FBXO42: variants seen among roughly 807,000 people sequenced by gnomAD.
FBXO42 encodes F-box only protein 42.
In FBXO42, 12 loss-of-function variants were observed where a neutral mutation model predicts 71.7. The observed-to-expected ratio is 0.17, with a 90% CI of 0.11 to 0.27. The LOEUF is 0.27. FBXO42 is among the 10% of genes least tolerant of loss of function. The pLI is 1.00. For missense variants in FBXO42, 707 were observed against 911.9 expected (o/e 0.78, Z 2.89); for synonymous variants, 325 against 327.5 (o/e 0.99, Z 0.08).
chr1:16,263,479 C>T (rs560581761), intron 4 of FBXO42, among the ~76,000 whole-genome samples: 16 of 151,210 alleles, frequency 1.1e-4, no homozygotes, highest in Middle Eastern at 3.5e-3. Flanking sequence ...TAAAAGCACA[C>T]GGCCGGCCAG....
chr1:16,303,509 T>G (rs1253124843), intron 3 of FBXO42, among the ~76,000 whole-genome samples: 1 of 151,764 alleles, frequency 6.6e-6, no homozygotes, highest in African/African-American at 2.4e-5. Context: ...GTTTTAGAGG[T>G]GGTTATTAAT....
In FBXO42 at chr1:16,332,621, AC is replaced by A. The variant is rs2082511078; in HGVS notation, c.-17-17187del. ...AGTGGCACAACCTCAGCTCACTGCA[AC>A]CCCCGTCTCCAGAGTTCAAGTGATT... On this transcript the variant is annotated intron_variant, in intron 1 of 9. Transcript: ENST00000375592. Among the ~76,000 whole-genome samples the A allele has an allele frequency of 3.3e-5, 5 of 151,516 alleles. No individual in the cohort carries two copies. The South Asian group carries it at 1.0e-3, about 32-fold the overall frequency.
At chr1:16,297,866 C>CA (rs34942089) in intron 3 of FBXO42, among the ~76,000 whole-genome samples, 24,643 of 74,328 alleles carry the variant, frequency 0.33, 4,097 homozygotes, top group Non-Finnish European at 0.42. Context: ...GACTCCATCT[C>CA]AAAAAAAAAA....
intron 3 of FBXO42, among the ~76,000 whole-genome samples, chr1:16,297,739 C>T (rs1029769538): frequency 2.6e-5 from 4 of 151,948 alleles, no homozygotes; most frequent in Non-Finnish European, 2.9e-5. Flanking sequence ...TGGTGGCAGG[C>T]GCCTGTAGTT....
At chr1:16,324,707 C>CA (rs1229570792) in intron 1 of FBXO42, among the ~76,000 whole-genome samples, 1 of 152,180 alleles carries the variant, frequency 6.6e-6, no homozygotes, top group Non-Finnish European at 1.5e-5. Flanking sequence ...GTCCCAGCTA[C>CA]AGGGGGTCTG....
At chr1:16,258,101 G>A (rs972793741) in intron 4 of FBXO42, among the ~76,000 whole-genome samples, 8 of 151,912 alleles carry the variant, frequency 5.3e-5, no homozygotes, top group East Asian at 1.9e-4. Flanking sequence ...GACAGCAGTC[G>A]AGATGCTCCA....
Position 16,248,149 on chromosome 1 carries a change from T to C in FBXO42, c.*2521A>G, listed in dbSNP as rs1197963492. On this transcript the variant is annotated 3_prime_UTR_variant, in exon 10 of 10. Coordinates refer to ENST00000375592, the MANE Select transcript of FBXO42 (RefSeq NM_018994.3). The stretch of plus-strand genomic sequence containing the variant: ...GGCCTGACTGCAGCATCCACGGCAT[T>C]GTGGAAATGCTCGCCTTGGCCGAGA... The C allele has an allele frequency of 2.6e-5, 4 of 152,100 alleles. No homozygotes were observed. The highest frequency in any genetic ancestry group is 7.2e-5 in the African/African-American group (3 of 41,414). 9.4% of individuals were successfully genotyped at this position (152,100 alleles called of 1,614,324 possible).
At chr1:16,301,379 A>G (rs1464172837) in intron 3 of FBXO42, among the ~76,000 whole-genome samples, 2 of 152,092 alleles carry the variant, frequency 1.3e-5, no homozygotes, top group Non-Finnish European at 2.9e-5. Flanking sequence ...ACAGTACAAG[A>G]AGGCTGGGTG....
intron 6 of FBXO42, 83 bp downstream of exon 6, chr1:16,255,628 C>T (rs1221896635): frequency 7.7e-6 from 9 of 1,174,842 alleles, no homozygotes; most frequent in South Asian, 3.0e-5. Context: ...AATTAGGCAC[C>T]TGGTCCCTAA....
intron 3 of FBXO42, among the ~76,000 whole-genome samples, chr1:16,297,164 G>A (rs532729785): frequency 8.6e-5 from 13 of 151,976 alleles, no homozygotes; most frequent in African/African-American, 2.4e-4. Context: ...AGCTGGTCTC[G>A]AACTCCTGAC....
intron 1 of FBXO42, among the ~76,000 whole-genome samples, chr1:16,338,896 C>T (rs543548524): frequency 5.2e-4 from 77 of 148,724 alleles, no homozygotes; most frequent in Middle Eastern, 3.4e-3. Context: ...CTGCAACCTC[C>T]GCCTCCCAAA....
In FBXO42 at chr1:16,264,897, T is replaced by G. The variant is rs140813040; in HGVS notation, c.503-8138A>C. 2.2e-4 allele frequency among the ~76,000 whole-genome samples: 33 copies of G among 152,344 alleles called. 1 individual carries two copies. The East Asian group carries it at 6.4e-3, about 29-fold the overall frequency. On this transcript the variant is annotated intron_variant, in intron 4 of 9. Coordinates refer to ENST00000375592, the MANE Select transcript of FBXO42 (RefSeq NM_018994.3). ...GGTATAATTACACGGCATTCTTGTT[T>G]ACGTTTGCAAAGAAGCTGGTTAAAC...
At chr1:16,276,031 C>T (rs2081898515) in intron 4 of FBXO42, among the ~76,000 whole-genome samples, 2 of 152,008 alleles carry the variant, frequency 1.3e-5, no homozygotes, top group Non-Finnish European at 2.9e-5. Context: ...AGTCAATAAA[C>T]GACCCATCAC....
rs1385778930 is a variant in FBXO42, at chr1:16,315,208, C to A, written c.211G>T (p.Ala71Ser). The stretch of plus-strand genomic sequence containing the variant: ...TACCACTGTTTGCAGACAAGGGCCG[C>A]AGTTTTGTGTTCCTGATACGGTGAG... ...FLSPYQEHKT[A>S]ALVCKQWYRL... Residue 71 changes from alanine to serine, a missense_variant, in exon 2 of 10, where the codon GCG (alanine) becomes TCG (serine). Physicochemically the swap from Ala to Ser is moderately conservative, Grantham distance 99. Around this residue, in one of 5 missense-constraint regions of FBXO42, gnomAD observed 188 missense variants for 230.5 expected, o/e 0.82. Coordinates refer to ENST00000375592, the MANE Select transcript of FBXO42 (RefSeq NM_018994.3). 1.2e-6 allele frequency: 2 copies of A among 1,614,134 alleles called. No homozygotes were observed. The highest frequency in any genetic ancestry group is 1.1e-5 in the South Asian group (1 of 91,084).
intron 1 of FBXO42, among the ~76,000 whole-genome samples, chr1:16,324,547 G>A (rs1336531870): frequency 6.6e-6 from 1 of 152,196 alleles, no homozygotes; most frequent in Admixed American, 6.6e-5. Flanking sequence ...GCCAAGTGTG[G>A]TGACTCATGC....
At chr1:16,259,294 T>G (rs2081683292) in intron 4 of FBXO42, among the ~76,000 whole-genome samples, 1 of 152,190 alleles carries the variant, frequency 6.6e-6, no homozygotes, top group African/African-American at 2.4e-5. Context: ...AGACAAAGCT[T>G]CCAAGTTCTT....
chr1:16,256,469 G>T, intron 5 of FBXO42, 137 bp downstream of exon 5: 2 of 862,228 alleles, frequency 2.3e-6, no homozygotes, highest in Non-Finnish European at 3.5e-6. Flanking sequence ...GTGAATATGT[G>T]CATTTTTCCC....
intron 2 of FBXO42, 98 bp from the exon 3 acceptor site, chr1:16,306,017 A>G (rs2082246322): frequency 1.1e-6 from 1 of 921,442 alleles, no homozygotes; most frequent in Admixed American, 2.2e-5. Flanking sequence ...TTTTTATACA[A>G]GTTTCTTTTT....
rs143730419 is a variant in FBXO42, at chr1:16,251,521, C to T, written c.1303G>A (p.Gly435Ser). 6.0e-5 allele frequency: 97 copies of T among 1,614,132 alleles called. No individual in the cohort carries two copies. The African/African-American group carries it at 7.1e-4, about 12-fold the overall frequency. ...CTCCCACCATTGAGGATAGGAGAGC[C>T]GTCTCCTCTGGCTGGGGAAAGGCTC... ...EGSLSPARGD[G>S]SPILNGGSLS... Residue 435 changes from glycine (G) to serine (S), a missense_variant, in exon 10 of 10, where the codon GGC becomes AGC. Physicochemically the swap from Gly to Ser is moderately conservative, Grantham distance 56. Transcript: ENST00000375592. This position sits in a 1 kb window ranked among gnomAD's most constrained non-coding sequence, Gnocchi z 4.5.
Sources: gnomAD v4.1 joint callset for allele counts (sites outside exome capture counted in the v4.1 genomes callset) on GRCh38, gnomAD v4.1.1 for gene constraint, gnomAD v4.1.1 regional missense constraint, Gnocchi (gnomAD v3.1) non-coding constraint, MANE v1.5 for transcripts, NCBI Gene and HGNC (gene_info 2026-07-23, HGNC 2026-07-21) for gene names.